MAD1L1: variants seen among roughly 807,000 people sequenced by gnomAD.
MAD1L1 encodes mitotic arrest deficient 1 like 1.
MAD1L1 carries 95 observed loss-of-function variants against 96.9 expected under a neutral mutation model. That is an observed-to-expected ratio of 0.98 (90% CI 0.83 to 1.16). The LOEUF is 1.16. Ranked by LOEUF, MAD1L1 falls within the 50% of genes most tolerant of loss-of-function variation. The probability of loss-of-function intolerance (pLI) is 0.00; values close to 1 mark genes in which losing one functional copy is unlikely to be tolerated. For synonymous variants in MAD1L1, 473 were observed against 396.6 expected (o/e 1.19, Z -2.29); for missense variants, 1,007 against 954.4 (o/e 1.06, Z -0.73).
At chr7:2,028,146 CCG>C (rs1783063336) in intron 12 of MAD1L1, among the ~76,000 whole-genome samples, 1 of 152,066 alleles carries the variant, frequency 6.6e-6, no homozygotes, top group Non-Finnish European at 1.5e-5. Context: ...TGACCTAAGG[CCG>C]GGCGCGGTGA....
chr7:1,847,401 T>TG, intron 18 of MAD1L1: 1 of 470,678 alleles, frequency 2.1e-6, no homozygotes, highest in South Asian at 1.5e-5. Flanking sequence ...TGGGAAGATG[T>TG]GGGGGGCCCG....
chr7:2,197,600 C>A (rs986266967), intron 10 of MAD1L1, among the ~76,000 whole-genome samples: 2 of 152,194 alleles, frequency 1.3e-5, no homozygotes, highest in Non-Finnish European at 2.9e-5. Flanking sequence ...GGCTGCAGAG[C>A]TCTCTGACCC....
intron 11 of MAD1L1, among the ~76,000 whole-genome samples, chr7:2,128,320 A>G (rs1192939895): frequency 6.6e-6 from 1 of 152,188 alleles, no homozygotes. Context: ...TGGCAGGGCC[A>G]TCCATGCCTA....
chr7:2,028,457 C>T (rs1381938869), intron 12 of MAD1L1, among the ~76,000 whole-genome samples: 2 of 148,416 alleles, frequency 1.3e-5, no homozygotes, highest in African/African-American at 2.5e-5. Flanking sequence ...ATGACCTAAA[C>T]ACATGTTAGC....
intron 18 of MAD1L1, among the ~76,000 whole-genome samples, chr7:1,828,683 A>C (rs1213375433): frequency 2.0e-5 from 3 of 152,126 alleles, no homozygotes; most frequent in African/African-American, 7.2e-5. Context: ...AACAGAGCTC[A>C]CGAATATTTA....
intron 12 of MAD1L1, among the ~76,000 whole-genome samples, chr7:2,050,306 C>T (rs776155872): frequency 2.0e-4 from 31 of 152,232 alleles, no homozygotes; most frequent in Admixed American, 2.0e-3. Flanking sequence ...AGACCAGAAA[C>T]CAGAGACCAG....
chr7:1,848,611 T>C (rs966031609), intron 18 of MAD1L1: 2 of 153,854 alleles, frequency 1.3e-5, no homozygotes, highest in African/African-American at 4.8e-5. Context: ...AGGGGCACCA[T>C]GGACCCCGAG....
At chr7:2,147,715 C>G (rs1222527726) in intron 11 of MAD1L1, among the ~76,000 whole-genome samples, 5 of 152,246 alleles carry the variant, frequency 3.3e-5, no homozygotes, top group African/African-American at 1.2e-4. Context: ...ACCACCTGCC[C>G]ACTGTAGAGG....
chr7:1,871,001 A>C (rs1470722892), intron 18 of MAD1L1, among the ~76,000 whole-genome samples: 115 of 63,316 alleles, frequency 1.8e-3, no homozygotes, highest in Middle Eastern at 0.016. Context: ...ATGCCGAACC[A>C]ACCGTAACAC....
chr7:1,822,008 C>T (rs545812137), intron 18 of MAD1L1, among the ~76,000 whole-genome samples: 1 of 152,212 alleles, frequency 6.6e-6, no homozygotes, highest in Non-Finnish European at 1.5e-5. Context: ...TGACGGCACA[C>T]GTGGAAAACC....
At chr7:2,069,756 G>C (rs1368812824) in intron 11 of MAD1L1, among the ~76,000 whole-genome samples, 1 of 152,244 alleles carries the variant, frequency 6.6e-6, no homozygotes, top group Non-Finnish European at 1.5e-5. Context: ...CATTCTGTGA[G>C]GTTGAAAGCC....
intron 10 of MAD1L1, among the ~76,000 whole-genome samples, chr7:2,170,185 C>G (rs919468140): frequency 6.6e-6 from 1 of 152,140 alleles, no homozygotes; most frequent in Admixed American, 6.5e-5. Flanking sequence ...TGAAGCAGCT[C>G]GTCCTAGCCA....
chr7:1,955,342 G>C (rs1350589923), intron 16 of MAD1L1, among the ~76,000 whole-genome samples: 1 of 152,254 alleles, frequency 6.6e-6, no homozygotes, highest in Non-Finnish European at 1.5e-5. Context: ...CCAGGCTGGA[G>C]TGCAGTGGCG....
At chr7:2,156,058 C>T (rs534402756) in intron 10 of MAD1L1, among the ~76,000 whole-genome samples, 4 of 152,180 alleles carry the variant, frequency 2.6e-5, no homozygotes, top group Non-Finnish European at 4.4e-5. Flanking sequence ...GCGCAGGACA[C>T]GAGGATGTGC....
chr7:2,082,597 G>A (rs2128539822), intron 11 of MAD1L1, among the ~76,000 whole-genome samples: 1 of 152,352 alleles, frequency 6.6e-6, no homozygotes, highest in South Asian at 2.1e-4. Context: ...GGAAGGACCA[G>A]GCTGAGGAGA....
intron 11 of MAD1L1, among the ~76,000 whole-genome samples, chr7:2,127,741 C>T (rs1584387764): frequency 6.6e-6 from 1 of 152,182 alleles, no homozygotes; most frequent in East Asian, 1.9e-4. Flanking sequence ...ACCAAAGACC[C>T]CTGCACTCCG....
At chr7:1,825,961 C>G (rs10235262) in intron 18 of MAD1L1, among the ~76,000 whole-genome samples, 3 of 152,124 alleles carry the variant, frequency 2.0e-5, no homozygotes, top group African/African-American at 4.8e-5. Context: ...CGGTCCCAGC[C>G]CCAGGGTTGG....
At chr7:2,078,011 G>C (rs1024717852) in intron 11 of MAD1L1, among the ~76,000 whole-genome samples, 1 of 152,226 alleles carries the variant, frequency 6.6e-6, no homozygotes, top group Non-Finnish European at 1.5e-5. Context: ...GCAACACTGA[G>C]CATGTTCAGG....
chr7:1,826,296 G>A (rs1375044808), intron 18 of MAD1L1, among the ~76,000 whole-genome samples: 1 of 152,034 alleles, frequency 6.6e-6, no homozygotes. Flanking sequence ...GCGCTCTGAG[G>A]AGGGAGAGAG....
Sources: gnomAD v4.1 joint callset for allele counts (sites outside exome capture counted in the v4.1 genomes callset) on GRCh38, gnomAD v4.1.1 for gene constraint, MANE v1.5 for transcripts, NCBI Gene and HGNC (gene_info 2026-07-23, HGNC 2026-07-21) for gene names.